Variants in ZNF532 observed in about 807,000 individuals in gnomAD.
ZNF532 encodes the protein zinc finger protein 532.
Under a neutral mutation model 89.3 loss-of-function variants are expected in ZNF532, and 22 were observed. That is an observed-to-expected ratio of 0.25 (90% confidence interval 0.18 to 0.35). The LOEUF is 0.35. Among genes scored for constraint, ZNF532 ranks in the 10% least tolerant of loss-of-function variants. The probability of loss-of-function intolerance (pLI) is 1.00; values close to 1 mark genes in which losing one functional copy is unlikely to be tolerated. For synonymous variants in ZNF532, 606 were observed against 649.6 expected (o/e 0.93, Z 1.02); for missense variants, 1,132 against 1,643.4 (o/e 0.69, Z 5.38).
intron 2 of ZNF532, among the ~76,000 whole-genome samples, chr18:58,867,977 C>G (rs1051903389): frequency 2.6e-5 from 4 of 152,220 alleles, no homozygotes; most frequent in African/African-American, 9.6e-5. Context: ...GTAGAATCTT[C>G]TGATGCCTTT....
intron 3 of ZNF532, among the ~76,000 whole-genome samples, chr18:58,931,096 C>T (rs1021176413): frequency 7.9e-5 from 12 of 152,166 alleles, no homozygotes; most frequent in Non-Finnish European, 7.4e-5. Context: ...TAGAAATTAA[C>T]TTTATTACCT....
rs758902046 is a variant in ZNF532 at position 58,920,195 on chromosome 18, C to T, written c.1908C>T (p.Asp636=). Residue 636 remains aspartate (D), a synonymous_variant, in exon 3 of 10, where the codon GAC becomes GAT. Transcript: ENST00000591808. ...AAAAGAGTCTGACCCAGCACTACGA[C>T]AGACGGAGCGTGCGCATCGAAGTAA... The part of the protein sequence containing the change: ...ALEKSLTQHY[D]RRSVRIEVTC... The T allele has an allele frequency of 6.2e-6, 10 of 1,613,644 alleles. No individual in the cohort carries two copies. The highest frequency in any genetic ancestry group is 7.6e-6 in the Non-Finnish European group (9 of 1,179,682).
chr18:58,899,579 C>G (rs2059469594), intron 2 of ZNF532, among the ~76,000 whole-genome samples: 1 of 152,198 alleles, frequency 6.6e-6, no homozygotes, highest in East Asian at 1.9e-4. Flanking sequence ...AGCGATTCTC[C>G]TGCCTCAGCC....
chr18:58,984,468 C>G lies in ZNF532; in HGVS notation c.*2C>G, dbSNP rs1290773866. 6.2e-7 allele frequency: 1 copy of G among 1,604,750 alleles called. No homozygotes were observed. The highest frequency in any genetic ancestry group is 8.5e-7 in the Non-Finnish European group (1 of 1,174,900). The stretch of plus-strand genomic sequence containing the variant: ...AGGATGAGCTCAGCCGAGAAATAGC[C>G]ACAGATGCTCCATGAGGAAAATCCC... On this transcript the variant is annotated 3_prime_UTR_variant, in exon 10 of 10. Coordinates refer to ENST00000591808, the MANE Select transcript of ZNF532 (RefSeq NM_001375912.1).
intron 2 of ZNF532, among the ~76,000 whole-genome samples, chr18:58,892,195 CTG>C (rs1474286943): frequency 2.6e-5 from 4 of 152,192 alleles, no homozygotes; most frequent in South Asian, 2.1e-4. Context: ...AAACACAACA[CTG>C]TGTCTCAAAG....
chr18:58,871,819 A>G (rs1013543695), intron 2 of ZNF532, among the ~76,000 whole-genome samples: 14 of 152,270 alleles, frequency 9.2e-5, no homozygotes, highest in African/African-American at 3.1e-4. Context: ...TAGAAATAGC[A>G]TGTTGAAAAG....
intron 7 of ZNF532, among the ~76,000 whole-genome samples, chr18:58,958,796 G>T (rs762856521): frequency 6.6e-6 from 1 of 152,304 alleles, no homozygotes; most frequent in East Asian, 1.9e-4. Context: ...TCAGGAGGAC[G>T]GGCGTGTCAG....
At chr18:58,902,154 C>T (rs2059644296) in intron 2 of ZNF532, among the ~76,000 whole-genome samples, 1 of 152,126 alleles carries the variant, frequency 6.6e-6, no homozygotes, top group African/African-American at 2.4e-5. Context: ...TCTGTGGGGC[C>T]TGGTCTGTGA....
At position 58,879,370 on chromosome 18, in the gene ZNF532, C is replaced by T. The variant is rs149045011; in HGVS notation, c.-18+13791C>T. ...TTTATTGGGTAAGTGTAAAAGCTGG[C>T]GGCAAAAAGACAATGCAAGTGGCGA... On this transcript the variant is annotated intron_variant, in intron 2 of 9. Coordinates refer to ENST00000591808, the MANE Select transcript of ZNF532 (RefSeq NM_001375912.1). Among the ~76,000 whole-genome samples, 5 of 152,288 alleles carry T rather than the reference C, an allele frequency of 3.3e-5. No homozygotes were observed. The East Asian group carries it at 5.8e-4, about 18-fold the overall frequency.
intron 4 of ZNF532, among the ~76,000 whole-genome samples, chr18:58,935,494 C>A (rs1309960520): frequency 4.3e-5 from 3 of 69,232 alleles, no homozygotes; most frequent in Non-Finnish European, 2.9e-5. Flanking sequence ...CCTCTTCCCC[C>A]CTTCCTCCTC....
At chr18:58,936,571 G>A (rs11660954) in intron 4 of ZNF532, among the ~76,000 whole-genome samples, 33,652 of 152,104 alleles carry the variant, frequency 0.22, 4,782 homozygotes, top group Middle Eastern at 0.38. Context: ...CTGTTCTTTT[G>A]CCCTACTCAC....
chr18:58,892,656 C>T (rs1387118778), intron 2 of ZNF532, among the ~76,000 whole-genome samples: 2 of 152,202 alleles, frequency 1.3e-5, no homozygotes, highest in African/African-American at 4.8e-5. Flanking sequence ...CTAAATAAAG[C>T]GCTTCACAAC....
chr18:58,981,450 C>A lies in ZNF532; in HGVS notation c.3264-20C>A. 1 of 1,607,916 alleles carries A rather than the reference C, an allele frequency of 6.2e-7. No homozygotes were observed. The highest frequency in any genetic ancestry group is 8.5e-7 in the Non-Finnish European group (1 of 1,178,580). ...TATTTTGTCAGCAAGTGCGTTATCT[C>A]CTTGCCTTTCACCCCACAGGCACTG... On this transcript the variant is annotated intron_variant, in intron 8 of 9. Coordinates refer to ENST00000591808, the MANE Select transcript of ZNF532 (RefSeq NM_001375912.1).
intron 5 of ZNF532, among the ~76,000 whole-genome samples, chr18:58,942,209 A>G (rs926618993): frequency 1.3e-5 from 2 of 151,282 alleles, no homozygotes; most frequent in Non-Finnish European, 2.9e-5. Flanking sequence ...TTTTTAGTAG[A>G]GATGGGGTTT....
rs1324057809 is a variant in ZNF532, at chr18:58,985,963, G to C, written c.*1497G>C. 2.0e-5 allele frequency: 3 copies of C among 152,554 alleles called. No homozygotes were observed. Among genetic ancestry groups the C allele is most frequent in the Non-Finnish European group, 4.4e-5 (3 of 68,030 alleles). 9.5% of individuals were successfully genotyped at this position (152,554 alleles called of 1,614,324 possible). On this transcript the variant is annotated 3_prime_UTR_variant, in exon 10 of 10. Transcript: ENST00000591808. ...ACATTTGGCCCTTGTGCTTCTGTGA[G>C]AGAATTATTGATGGTGGGTCTCTGA... is the stretch of plus-strand genomic sequence containing the variant.
At chr18:58,881,693 T>C (rs767537473) in intron 2 of ZNF532, among the ~76,000 whole-genome samples, 1 of 152,224 alleles carries the variant, frequency 6.6e-6, no homozygotes, top group Non-Finnish European at 1.5e-5. Context: ...TTATAGCTAA[T>C]TGGTGTCAGG....
intron 3 of ZNF532, among the ~76,000 whole-genome samples, chr18:58,924,160 C>T (rs2061348724): frequency 6.6e-6 from 1 of 152,178 alleles, no homozygotes; most frequent in Admixed American, 6.5e-5. Flanking sequence ...GCCCGGCTAG[C>T]ATTCCATGTA....
At chr18:58,940,963 TTCTC>T (rs140521782) in intron 5 of ZNF532, among the ~76,000 whole-genome samples, 5,736 of 105,258 alleles carry the variant, frequency 0.054, 125 homozygotes, top group East Asian at 0.12. Context: ...CACACACTCT[TTCTC>T]TCTCTCTCTC....
At chr18:58,870,305 G>GCCC (rs1423932723) in intron 2 of ZNF532, among the ~76,000 whole-genome samples, 2 of 152,102 alleles carry the variant, frequency 1.3e-5, no homozygotes, top group African/African-American at 2.4e-5. Flanking sequence ...AGTGGAAGGA[G>GCCC]CCCCCAGAAG....
Sources: gnomAD v4.1 joint callset for allele counts (sites outside exome capture counted in the v4.1 genomes callset) on GRCh38, gnomAD v4.1.1 for gene constraint, MANE v1.5 for transcripts, NCBI Gene and HGNC (gene_info 2026-07-23, HGNC 2026-07-21) for gene names.